HAVCR1: variants seen among roughly 807,000 people sequenced by gnomAD.
The protein encoded by HAVCR1 is hepatitis A virus cellular receptor 1.
HAVCR1 carries 34 observed loss-of-function variants against 32.0 expected under a neutral mutation model. That is an observed-to-expected ratio of 1.06 (90% CI 0.81 to 1.42). The LOEUF is 1.42. Among genes scored for constraint, HAVCR1 ranks in the 40% most tolerant of loss-of-function variants. HAVCR1 has a pLI of 0.00. For synonymous variants in HAVCR1, 178 were observed against 170.3 expected (o/e 1.05, Z -0.35); for missense variants, 420 against 442.3 (o/e 0.95, Z 0.45).
At chr5:157,033,484 A>G (rs180757060) in intron 7 of HAVCR1, among the ~76,000 whole-genome samples, 1 of 151,230 alleles carries the variant, frequency 6.6e-6, no homozygotes, top group East Asian at 1.9e-4. Flanking sequence ...AAGCTCCCCT[A>G]TCTAGCTAAA....
chr5:157,059,662 C>T (rs563132916), upstream of HAVCR1, among the ~76,000 whole-genome samples: 1 of 152,046 alleles, frequency 6.6e-6, no homozygotes, highest in Admixed American at 6.6e-5. Context: ...ACAACAAGAA[C>T]AAAACTCCAT....
At chr5:157,048,419 T>C (rs35159031) in intron 5 of HAVCR1, among the ~76,000 whole-genome samples, 36,639 of 152,206 alleles carry the variant, frequency 0.24, 4,712 homozygotes, top group Admixed American at 0.33. Context: ...TTCTAAGGAA[T>C]AATAATAATA....
At chr5:157,053,812 G>T (rs1042679263) in intron 3 of HAVCR1, among the ~76,000 whole-genome samples, 1 of 151,886 alleles carries the variant, frequency 6.6e-6, no homozygotes, top group Non-Finnish European at 1.5e-5. Context: ...AGAGGTTGCA[G>T]TGAGCTGAGA....
the HAVCR1 span, among the ~76,000 whole-genome samples, chr5:157,066,372 T>C: frequency 6.6e-6 from 1 of 151,958 alleles, no homozygotes; most frequent in Non-Finnish European, 1.5e-5. Context: ...GCAGTTGGAC[T>C]TGAGTGCCTA....
chr5:157,036,550 T>C (rs982366312), intron 7 of HAVCR1, among the ~76,000 whole-genome samples: 1 of 152,160 alleles, frequency 6.6e-6, no homozygotes, highest in Admixed American at 6.5e-5. Context: ...GTTTAAAAAA[T>C]AGTGGTTTTA....
At chr5:157,056,175 CCA>C (rs1756127842) in intron 2 of HAVCR1, among the ~76,000 whole-genome samples, 1 of 151,294 alleles carries the variant, frequency 6.6e-6, no homozygotes, top group South Asian at 2.1e-4. Flanking sequence ...AGTGATCCAC[CCA>C]CCTGAGCATC....
At chr5:157,044,624 A>G (rs1164726475) in intron 5 of HAVCR1, among the ~76,000 whole-genome samples, 4 of 49,714 alleles carry the variant, frequency 8.0e-5, no homozygotes, top group African/African-American at 2.0e-4. Context: ...AGAGAAAGAA[A>G]GAAAGAAAGA....
chr5:157,037,175 A>G, intron 7 of HAVCR1, 72 bp downstream of exon 7: 1 of 783,768 alleles, frequency 1.3e-6, no homozygotes, highest in East Asian at 2.4e-5. Flanking sequence ...CATGTGACTT[A>G]TGAAACTAGT....
At chr5:157,054,472 T>A (rs1263998442) in intron 3 of HAVCR1, among the ~76,000 whole-genome samples, 1 of 151,872 alleles carries the variant, frequency 6.6e-6, no homozygotes, top group Non-Finnish European at 1.5e-5. Context: ...GACATTGCAC[T>A]TCAGCCTGGG....
chr5:157,054,923 C>A (rs1756019993), intron 3 of HAVCR1, among the ~76,000 whole-genome samples: 1 of 152,152 alleles, frequency 6.6e-6, no homozygotes, highest in Non-Finnish European at 1.5e-5. Flanking sequence ...TGAGCATCTG[C>A]AGATTTTGGT....
At chr5:157,065,836 C>T in the HAVCR1 span, among the ~76,000 whole-genome samples, 3 of 139,026 alleles carry the variant, frequency 2.2e-5, no homozygotes, top group Non-Finnish European at 4.6e-5. Context: ...GCTTGAGTGA[C>T]AGAGCAAGAC....
intron 3 of HAVCR1, 53 bp from the exon 4 acceptor site, chr5:157,052,707 G>A: frequency 7.4e-6 from 11 of 1,486,092 alleles, no homozygotes; most frequent in Non-Finnish European, 1.0e-5. Context: ...AGAAACAAGA[G>A]CCTCAGGCTG....
chr5:157,068,125 T>G, the HAVCR1 span, among the ~76,000 whole-genome samples: 1 of 151,518 alleles, frequency 6.6e-6, no homozygotes, highest in African/African-American at 2.4e-5. Flanking sequence ...TACAAAAAAA[T>G]TAGCCAGGCA....
chr5:157,044,110 T>C (rs1299399489), intron 5 of HAVCR1, among the ~76,000 whole-genome samples: 1 of 152,054 alleles, frequency 6.6e-6, no homozygotes, highest in Non-Finnish European at 1.5e-5. Context: ...GGCAGGCAGA[T>C]CCCTTGAAGT....
rs1332086732 is a variant in HAVCR1 at position 157,044,607 on chromosome 5, GAAAGAAAGAGAAAGAAAGAAAGAAAGAA to G, written c.782-1953_782-1926del. 5.0e-4 allele frequency among the ~76,000 whole-genome samples: 35 copies of G among 70,310 alleles called. 1 individual carries two copies. The South Asian group carries it at 0.011, about 23-fold the overall frequency. The allele number at this position is 70,310 out of a possible 152,430, so 46.1% of individuals were successfully genotyped here. A position where few individuals can be genotyped will look rare whatever the true frequency, so the allele number is the denominator to read the frequency against. On this transcript the variant is annotated intron_variant, in intron 5 of 8. Transcript: ENST00000523175. ...AGAAGGAAAGAAAGAAAGAAAGAAA[GAAAGAAAGAGAAAGAAAGAAAGAAAGAA>G]AGAAAGAAAGAAAGAAAGAAAGAAA...
intron 6 of HAVCR1, among the ~76,000 whole-genome samples, chr5:157,042,129 C>T (rs1028503327): frequency 1.3e-5 from 2 of 152,200 alleles, no homozygotes; most frequent in South Asian, 2.1e-4. Flanking sequence ...TATCTAAGTA[C>T]GCTATTCAGT....
chr5:157,037,339 A>G lies in HAVCR1; in HGVS notation c.860T>C (p.Leu287Pro), dbSNP rs1054421100. The G allele has an allele frequency of 5.8e-6, 9 of 1,558,088 alleles. No homozygotes were observed. Among genetic ancestry groups the G allele is most frequent in the Non-Finnish European group, 7.1e-6 (8 of 1,129,060 alleles). Residue 287 changes from leucine to proline, a missense_variant, in exon 7 of 9, where the codon CTA becomes CCA. Leu to Pro is a moderately conservative substitution (Grantham distance 98, BLOSUM62 -3). Coordinates refer to ENST00000523175, the MANE Select transcript of HAVCR1 (RefSeq NM_001173393.3). ...TCCTTTAGTGGTATTGGCCGTCAGT[A>G]GACTATGTTCTAGGAACAGTTGCTG... is the stretch of plus-strand genomic sequence containing the variant. ...NQTQLFLEHS[L>P]LTANTTKGIY...
the HAVCR1 span, among the ~76,000 whole-genome samples, chr5:157,065,278 C>T: frequency 6.6e-6 from 1 of 150,832 alleles, no homozygotes; most frequent in East Asian, 2.0e-4. Flanking sequence ...GAGATCGCGC[C>T]ACTGCGCGAC....
At chr5:157,067,459 T>C in the HAVCR1 span, among the ~76,000 whole-genome samples, 7 of 151,964 alleles carry the variant, frequency 4.6e-5, no homozygotes, top group African/African-American at 1.7e-4. Context: ...CCTTCAAAAA[T>C]CAGCAGCCCA....
Sources: allele counts gnomAD v4.1 joint callset (sites outside exome capture counted in the v4.1 genomes callset), GRCh38; gene constraint gnomAD v4.1.1; transcripts MANE v1.5; gene names NCBI Gene and HGNC (gene_info 2026-07-23, HGNC 2026-07-21).